KIAA1549L: variants seen among roughly 807,000 people sequenced by gnomAD.
KIAA1549L encodes the protein KIAA1549 like.
A neutral mutation model predicts 160.7 loss-of-function variants in KIAA1549L; 88 were observed. The observed-to-expected ratio is 0.55, with a 90% CI of 0.46 to 0.65. The LOEUF is 0.65. Ranked by LOEUF, KIAA1549L falls within the 30% of genes least tolerant of loss-of-function variation. The probability of loss-of-function intolerance (pLI) is 0.00; values close to 1 mark genes in which losing one functional copy is unlikely to be tolerated. For synonymous variants in KIAA1549L, 950 were observed against 976.7 expected, an observed-to-expected ratio of 0.97 and a Z score of 0.51; for missense variants, 2,258 against 2,437.5, an observed-to-expected ratio of 0.93 and a Z score of 1.55.
At chr11:33,597,787 A>G (rs994838846) in intron 12 of KIAA1549L, among the ~76,000 whole-genome samples, 5 of 152,126 alleles carry the variant, frequency 3.3e-5, no homozygotes, top group African/African-American at 1.2e-4. Flanking sequence ...TGGTCATTGT[A>G]TGGGACAGCA....
At chr11:33,653,362 A>C (rs2133425423) in intron 17 of KIAA1549L, among the ~76,000 whole-genome samples, 1 of 152,320 alleles carries the variant, frequency 6.6e-6, no homozygotes, top group Non-Finnish European at 1.5e-5. Flanking sequence ...ATCTGGGCAG[A>C]TGTTTTCTTT....
chr11:33,499,821 T>A (rs1008944835), intron 1 of KIAA1549L, among the ~76,000 whole-genome samples: 1 of 152,328 alleles, frequency 6.6e-6, no homozygotes, highest in East Asian at 1.9e-4. Context: ...GACAGCCCTA[T>A]GGTAGTGATA....
At chr11:33,569,530 A>G (rs2133236280) in intron 9 of KIAA1549L, among the ~76,000 whole-genome samples, 1 of 152,344 alleles carries the variant, frequency 6.6e-6, no homozygotes, top group African/African-American at 2.4e-5. Flanking sequence ...GGGAAATTGC[A>G]GCCATTAGCA....
chr11:33,478,893 A>G (rs1006862978), intron 1 of KIAA1549L, among the ~76,000 whole-genome samples: 7 of 152,108 alleles, frequency 4.6e-5, no homozygotes. Flanking sequence ...GGCCTCCCAA[A>G]GTGCTGGGAT....
At chr11:33,464,830 G>GA in intron 1 of KIAA1549L, among the ~76,000 whole-genome samples, 1 of 151,972 alleles carries the variant, frequency 6.6e-6, no homozygotes, top group East Asian at 1.9e-4. Flanking sequence ...CCACCTCCTT[G>GA]TGCTTGATTC....
chr11:33,632,815 A>G (rs1851333860), intron 16 of KIAA1549L, among the ~76,000 whole-genome samples: 1 of 152,072 alleles, frequency 6.6e-6, no homozygotes. Context: ...AGGCTGGCCT[A>G]GAACTCCTGG....
chr11:33,403,316 GACAC>G (rs1246233474), intron 1 of KIAA1549L: 2 of 2,022 alleles, frequency 9.9e-4, no homozygotes, highest in African/African-American at 1.5e-3. Flanking sequence ...CACGGACACA[GACAC>G]ACACGGACAC....
chr11:33,534,401 C>G (rs1853846169), intron 1 of KIAA1549L, among the ~76,000 whole-genome samples: 1 of 151,920 alleles, frequency 6.6e-6, no homozygotes, highest in African/African-American at 2.4e-5. Context: ...CCGCTTTCCA[C>G]AATTTTTTTG....
chr11:33,625,443 T>C (rs976049717), intron 16 of KIAA1549L, among the ~76,000 whole-genome samples: 2 of 152,218 alleles, frequency 1.3e-5, no homozygotes, highest in Admixed American at 6.5e-5. Flanking sequence ...TTTTTAATGA[T>C]TGCCATTCTA....
chr11:33,416,214 C>T (rs948651768), intron 1 of KIAA1549L, among the ~76,000 whole-genome samples: 9 of 152,106 alleles, frequency 5.9e-5, no homozygotes, highest in African/African-American at 1.9e-4. Context: ...CTGAAGATAA[C>T]GCTCATTGGT....
intron 12 of KIAA1549L, among the ~76,000 whole-genome samples, chr11:33,596,373 C>T (rs574256048): frequency 2.1e-4 from 32 of 152,246 alleles, no homozygotes; most frequent in African/African-American, 7.5e-4. Flanking sequence ...TAACACCTTT[C>T]CTTGGAGTGA....
chr11:33,608,546 T>C (rs774876010), intron 14 of KIAA1549L, among the ~76,000 whole-genome samples: 1 of 152,254 alleles, frequency 6.6e-6, no homozygotes, highest in Non-Finnish European at 1.5e-5. Flanking sequence ...CTGCTGTTGA[T>C]TTGGACCCTC....
intron 17 of KIAA1549L, among the ~76,000 whole-genome samples, chr11:33,651,623 C>T (rs1278636324): frequency 1.3e-5 from 2 of 152,056 alleles, no homozygotes; most frequent in Admixed American, 6.5e-5. Context: ...ACAGGCTGTC[C>T]CCTGCAGCCT....
intron 1 of KIAA1549L, among the ~76,000 whole-genome samples, chr11:33,384,169 T>C (rs1228233971): frequency 2.0e-5 from 3 of 152,202 alleles, no homozygotes; most frequent in Admixed American, 6.5e-5. Flanking sequence ...AAACTACCCA[T>C]GTATTTTCCA....
chr11:33,664,535 G>C (rs1298534033), intron 20 of KIAA1549L, among the ~76,000 whole-genome samples: 1 of 152,202 alleles, frequency 6.6e-6, no homozygotes, highest in Non-Finnish European at 1.5e-5. Flanking sequence ...AACCCCCAAG[G>C]TGATGGTATT....
chr11:33,598,882 G>C lies in KIAA1549L; in HGVS notation c.4814G>C (p.Arg1605Thr). The change falls in exon 13 of 21, where the codon AGA becomes ACA. Residue 1605 changes from arginine (R) to threonine (T), a missense_variant. This residue lies in a region of KIAA1549L where 1,359 missense variants were observed against 1,546.6 expected (regional missense o/e 0.88). Transcript: ENST00000658780. ...SNESGKPSSG[R>T]RSPQNVMAQQ... ...GAATCAGGGAAGCCCAGCTCAGGGA[G>C]ACGCTCACCCCAGAATGTAATGGCA... 1 of 1,613,940 alleles carries C rather than the reference G, an allele frequency of 6.2e-7. No homozygotes were observed. The highest frequency in any genetic ancestry group is 8.5e-7 in the Non-Finnish European group (1 of 1,179,854).
At chr11:33,449,613 C>A (rs1230314968) in intron 1 of KIAA1549L, among the ~76,000 whole-genome samples, 1 of 152,162 alleles carries the variant, frequency 6.6e-6, no homozygotes, top group Non-Finnish European at 1.5e-5. Context: ...TACATGTCTG[C>A]CAATGAGTCT....
intron 1 of KIAA1549L, among the ~76,000 whole-genome samples, chr11:33,414,232 GA>G (rs1434809177): frequency 1.3e-5 from 2 of 152,142 alleles, no homozygotes; most frequent in East Asian, 3.8e-4. Flanking sequence ...AGTGCCTTCA[GA>G]ATCATACGAA....
intron 12 of KIAA1549L, among the ~76,000 whole-genome samples, chr11:33,593,863 T>C (rs565041514): frequency 6.6e-6 from 1 of 152,028 alleles, no homozygotes; most frequent in Non-Finnish European, 1.5e-5. Context: ...GAAATATAAA[T>C]GTAGGAGTGG....
Sources: gnomAD v4.1 joint callset for allele counts (sites outside exome capture counted in the v4.1 genomes callset) on GRCh38, gnomAD v4.1.1 for gene constraint, gnomAD v4.1.1 regional missense constraint, MANE v1.5 for transcripts, NCBI Gene and HGNC (gene_info 2026-07-23, HGNC 2026-07-21) for gene names.